Variants in AKAP13 observed in about 807,000 individuals in gnomAD.
The protein encoded by AKAP13 is A-kinase anchor protein 13.
AKAP13 carries 80 observed loss-of-function variants against 264.5 expected under a neutral mutation model. The observed-to-expected ratio is 0.30, with a 90% CI of 0.25 to 0.36. AKAP13 has a LOEUF of 0.36. Among genes scored for constraint, AKAP13 ranks in the 10% least tolerant of loss-of-function variants. AKAP13 has a pLI of 1.00. For missense variants in AKAP13, 3,712 were observed against 3,435.2 expected (o/e 1.08, Z -2.01); for synonymous variants, 1,380 against 1,250.2 (o/e 1.10, Z -2.19).
intron 13 of AKAP13, 73 bp downstream of exon 13, chr15:85,664,828 G>A (rs773767734): frequency 1.2e-4 from 163 of 1,379,064 alleles, no homozygotes; most frequent in Non-Finnish European, 1.5e-4. Flanking sequence ...AAGGCTTCTG[G>A]TAGTATAAGG....
chr15:85,463,753 T>C (rs2074614890), intron 1 of AKAP13, among the ~76,000 whole-genome samples: 1 of 151,982 alleles, frequency 6.6e-6, no homozygotes, highest in African/African-American at 2.4e-5. Flanking sequence ...TATTGATATC[T>C]GAGTCAGCTG....
intron 1 of AKAP13, among the ~76,000 whole-genome samples, chr15:85,430,915 CAT>C (rs1157616478): frequency 2.6e-5 from 4 of 152,206 alleles, no homozygotes; most frequent in Non-Finnish European, 5.9e-5. Flanking sequence ...CAAATCCACA[CAT>C]GCTTTTAGAA....
At chr15:85,641,922 AAC>A (rs1225553423) in intron 9 of AKAP13, among the ~76,000 whole-genome samples, 10 of 152,288 alleles carry the variant, frequency 6.6e-5, no homozygotes, top group Admixed American at 5.2e-4. Flanking sequence ...CTTCCCCAAC[AAC>A]AGTTTGTTGG....
At position 85,655,550 on chromosome 15, in the gene AKAP13, G is replaced by C; in HGVS notation, c.4508G>C (p.Arg1503Thr). The C allele has an allele frequency of 6.2e-7, 1 of 1,614,220 alleles. No individual in the cohort carries two copies. ...LSQILKPNRSRDRQSLDGFYS... is the reference protein window; with the variant it reads ...LSQILKPNRSTDRQSLDGFYS... ...CAGATTTTAAAGCCAAACAGGTCAA[G>C]AGATCGGCAAAGCCTTGATGGATTC... is the stretch of plus-strand genomic sequence containing the variant. Residue 1503 changes from arginine (R) to threonine (T), a missense_variant, in exon 11 of 37, where the codon AGA becomes ACA. This residue lies in a region of AKAP13 where 2,759 missense variants were observed against 2,411.7 expected (regional missense o/e 1.14). Coordinates refer to ENST00000394518, the MANE Select transcript of AKAP13 (RefSeq NM_007200.5).
intron 8 of AKAP13, among the ~76,000 whole-genome samples, chr15:85,630,869 G>C (rs750740553): frequency 6.6e-6 from 1 of 152,136 alleles, no homozygotes; most frequent in Non-Finnish European, 1.5e-5. Flanking sequence ...TCTCCTTAAA[G>C]TATTAAACAT....
At chr15:85,486,921 G>A (rs1049374317) in intron 2 of AKAP13, among the ~76,000 whole-genome samples, 3 of 151,864 alleles carry the variant, frequency 2.0e-5, no homozygotes, top group Non-Finnish European at 4.4e-5. Flanking sequence ...TGTATTTTTA[G>A]TAGAGACAGG....
In AKAP13 at chr15:85,581,252, C is replaced by T; in HGVS notation, c.3184C>T (p.Pro1062Ser). ...GTCCGATGCTCTTAACTGCAGTCAG[C>T]CTTCTCCTCTGGATGTTGGAGTGAA... Reference protein sequence around the residue: ...DGSDALNCSQPSPLDVGVKNT... With the variant: ...DGSDALNCSQSSPLDVGVKNT... The change falls in exon 7 of 37, where the codon CCT becomes TCT. Residue 1062 changes from proline (P) to serine (S), a missense_variant. By Grantham distance (74) the Pro-to-Ser change is moderately conservative. Coordinates refer to ENST00000394518, the MANE Select transcript of AKAP13 (RefSeq NM_007200.5). The T allele has an allele frequency of 1.2e-6, 2 of 1,613,798 alleles. No individual in the cohort carries two copies. Among genetic ancestry groups the T allele is most frequent in the Non-Finnish European group, 1.7e-6 (2 of 1,179,962 alleles).
At chr15:85,615,450 T>C (rs1340399721) in intron 8 of AKAP13, among the ~76,000 whole-genome samples, 1 of 152,216 alleles carries the variant, frequency 6.6e-6, no homozygotes, top group Non-Finnish European at 1.5e-5. Context: ...GCAGCCATTG[T>C]AAAGTATTTT....
intron 5 of AKAP13, 67 bp downstream of exon 5, chr15:85,544,022 C>T (rs1352478410): frequency 1.3e-6 from 2 of 1,563,296 alleles, no homozygotes; most frequent in Non-Finnish European, 1.8e-6. Context: ...CATAGGAGTA[C>T]CACCCACTTG....
chr15:85,525,721 A>C (rs1316900468), intron 3 of AKAP13, among the ~76,000 whole-genome samples: 1 of 152,220 alleles, frequency 6.6e-6, no homozygotes, highest in Non-Finnish European at 1.5e-5. Context: ...TTTCCTCTAA[A>C]GCTGAGATTT....
At chr15:85,502,202 T>C (rs768277652) in intron 2 of AKAP13, among the ~76,000 whole-genome samples, 11 of 152,186 alleles carry the variant, frequency 7.2e-5, no homozygotes, top group Non-Finnish European at 1.5e-4. Flanking sequence ...AGGAGTCAAG[T>C]AGACACAGCT....
intron 18 of AKAP13, chr15:85,710,324 T>G: frequency 5.5e-6 from 2 of 365,846 alleles, no homozygotes; most frequent in Non-Finnish European, 1.0e-5. Flanking sequence ...TTAAATCGTC[T>G]TAAAGGGGAA....
At chr15:85,649,333 C>T (rs1328865127) in intron 10 of AKAP13, among the ~76,000 whole-genome samples, 2 of 152,192 alleles carry the variant, frequency 1.3e-5, no homozygotes, top group Admixed American at 6.5e-5. Context: ...CCTCCCCAAA[C>T]CTGCTCTAAT....
chr15:85,640,043 T>C (rs2082239076), intron 9 of AKAP13, among the ~76,000 whole-genome samples: 1 of 152,244 alleles, frequency 6.6e-6, no homozygotes, highest in African/African-American at 2.4e-5. Context: ...ACCTTGCTTG[T>C]TAATGACACA....
chr15:85,476,180 C>G (rs1406709925), intron 1 of AKAP13, among the ~76,000 whole-genome samples: 1 of 151,978 alleles, frequency 6.6e-6, no homozygotes. Context: ...TATGCAGGGA[C>G]TGGATGGAAG....
chr15:85,513,278 C>T (rs570914547), intron 2 of AKAP13, among the ~76,000 whole-genome samples: 1 of 152,228 alleles, frequency 6.6e-6, no homozygotes, highest in East Asian at 1.9e-4. Context: ...ATAGAGCTTT[C>T]TTCACATCTG....
At chr15:85,438,712 T>A (rs36138477) in intron 1 of AKAP13, among the ~76,000 whole-genome samples, 37,267 of 150,524 alleles carry the variant, frequency 0.25, 6,127 homozygotes, top group Middle Eastern at 0.37. Context: ...AAACAAGCAA[T>A]GGGGAAAGGA....
Position 85,580,875 on chromosome 15 carries a change from C to G in AKAP13, c.2807C>G (p.Ser936Cys). ...AAGGATAAAGCGGTGACCTGTTCCT[C>G]TATTAAGGAAAATGCTCTCTCTTCA... is the stretch of plus-strand genomic sequence containing the variant. ...QDKDKAVTCS[S>C]IKENALSSGT... is the part of the protein sequence containing the mutation. Residue 936 changes from serine (S) to cysteine (C), a missense_variant, in exon 7 of 37, where the codon TCT becomes TGT. By Grantham distance (112) the Ser-to-Cys change is moderately radical (BLOSUM62 -1). This residue lies in a region of AKAP13 where 2,759 missense variants were observed against 2,411.7 expected (regional missense o/e 1.14). Transcript: ENST00000394518. 1 of 1,614,150 alleles carries G rather than the reference C, an allele frequency of 6.2e-7. No homozygotes were observed. Among genetic ancestry groups the G allele is most frequent in the Non-Finnish European group, 8.5e-7 (1 of 1,180,020 alleles).
chr15:85,619,205 T>A (rs2081067718), intron 8 of AKAP13, among the ~76,000 whole-genome samples: 1 of 151,892 alleles, frequency 6.6e-6, no homozygotes, highest in African/African-American at 2.4e-5. Context: ...GCCTTGTTTT[T>A]CTCTTCGTCT....
Sources: allele counts gnomAD v4.1 joint callset (sites outside exome capture counted in the v4.1 genomes callset), GRCh38; gene constraint gnomAD v4.1.1; regional missense constraint gnomAD v4.1.1; transcripts MANE v1.5; gene names NCBI Gene and HGNC (gene_info 2026-07-23, HGNC 2026-07-21).